Variants in UNC5C observed in about 807,000 individuals in gnomAD.
UNC5C encodes the protein unc-5 netrin receptor C.
Under a neutral mutation model 99.8 loss-of-function variants are expected in UNC5C, and 47 were observed. That is an observed-to-expected ratio of 0.47 (90% confidence interval 0.37 to 0.60). UNC5C has a LOEUF of 0.60. Ranked by LOEUF, UNC5C falls within the 20% of genes least tolerant of loss-of-function variation. The pLI is 0.00. For synonymous variants in UNC5C, 487 were observed against 452.2 expected, an observed-to-expected ratio of 1.08 and a Z score of -0.98; for missense variants, 1,062 against 1,165.9, an observed-to-expected ratio of 0.91 and a Z score of 1.30.
intron 1 of UNC5C, among the ~76,000 whole-genome samples, chr4:95,393,023 A>T (rs978227179): frequency 1.3e-5 from 2 of 152,172 alleles, no homozygotes; most frequent in African/African-American, 4.8e-5. Flanking sequence ...AGATGTCTGC[A>T]AATGCACCCT....
At chr4:95,192,355 A>ACC (rs1737174090) in intron 12 of UNC5C, among the ~76,000 whole-genome samples, 1 of 22,182 alleles carries the variant, frequency 4.5e-5, no homozygotes, top group Non-Finnish European at 8.7e-5. Context: ...TCCCCTGCTC[A>ACC]CTCCTCCCTT....
chr4:95,360,977 T>C (rs190442856), intron 1 of UNC5C, among the ~76,000 whole-genome samples: 7 of 152,332 alleles, frequency 4.6e-5, no homozygotes, highest in Non-Finnish European at 1.0e-4. Context: ...GAAGGCATCC[T>C]TTCTGTCTTC....
intron 2 of UNC5C, among the ~76,000 whole-genome samples, chr4:95,316,121 C>G (rs1264558165): frequency 2.0e-5 from 3 of 152,052 alleles, no homozygotes; most frequent in African/African-American, 7.2e-5. Flanking sequence ...ATCAAGCTCA[C>G]ATTTTTACTC....
chr4:95,260,476 C>G (rs1740179451), intron 4 of UNC5C, among the ~76,000 whole-genome samples: 2 of 152,134 alleles, frequency 1.3e-5, no homozygotes, highest in African/African-American at 4.8e-5. Flanking sequence ...CCTCCAGCAG[C>G]CTTCGATCCA....
At chr4:95,334,786 A>G (rs186573368) in intron 2 of UNC5C, among the ~76,000 whole-genome samples, 1 of 152,062 alleles carries the variant, frequency 6.6e-6, no homozygotes, top group East Asian at 1.9e-4. Context: ...GGCAAAGATA[A>G]TCAGATCAAG....
intron 1 of UNC5C, among the ~76,000 whole-genome samples, chr4:95,393,001 A>G (rs1437108585): frequency 2.0e-4 from 31 of 152,204 alleles, no homozygotes; most frequent in Admixed American, 2.0e-3. Context: ...TCAGATCAGC[A>G]TGCATGGTAT....
At chr4:95,396,699 G>A (rs898658195) in intron 1 of UNC5C, among the ~76,000 whole-genome samples, 3 of 152,036 alleles carry the variant, frequency 2.0e-5, no homozygotes, top group African/African-American at 7.2e-5. Flanking sequence ...GCCCACCCGT[G>A]GACCCATCAG....
chr4:95,175,611 C>G (rs904076946), intron 14 of UNC5C, among the ~76,000 whole-genome samples: 1 of 152,146 alleles, frequency 6.6e-6, no homozygotes, highest in Non-Finnish European at 1.5e-5. Flanking sequence ...GCTGAGAGAT[C>G]AGGTGTTAGT....
At chr4:95,418,094 T>C (rs931919174) in intron 1 of UNC5C, among the ~76,000 whole-genome samples, 2 of 152,196 alleles carry the variant, frequency 1.3e-5, no homozygotes, top group Non-Finnish European at 2.9e-5. Context: ...CAAAAAGTCA[T>C]TGGGGAACTG....
At chr4:95,448,804 A>C (rs1747197156) in intron 1 of UNC5C, among the ~76,000 whole-genome samples, 1 of 152,234 alleles carries the variant, frequency 6.6e-6, no homozygotes, top group Non-Finnish European at 1.5e-5. Flanking sequence ...TTCGAGATAA[A>C]CATTTTATAT....
rs1444860253 is a variant in UNC5C, at chr4:95,165,240, A to G, written c.*3994T>C. On this transcript the variant is annotated 3_prime_UTR_variant, in exon 16 of 16. Transcript: ENST00000453304. The stretch of plus-strand genomic sequence containing the variant: ...TCAGGGTGTCCTGAACTCAGTCCCC[A>G]CGACTTTTTTCTCCTGAAAATCGCT... The G allele has an allele frequency of 6.6e-6, 1 of 151,370 alleles. No individual in the cohort carries two copies. Among genetic ancestry groups the G allele is most frequent in the African/African-American group, 2.5e-5 (1 of 40,626 alleles). The allele number at this position is 151,370 out of a possible 1,614,324, so 9.4% of individuals were successfully genotyped here. A position where few individuals can be genotyped will look rare whatever the true frequency, so the allele number is the denominator to read the frequency against.
Position 95,351,223 on chromosome 4 carries a change from C to T in UNC5C, c.125-15592G>A, listed in dbSNP as rs1743976087. On this transcript the variant is annotated intron_variant, in intron 1 of 15. Transcript: ENST00000453304. ...TGTTTTCCTGGTTCACTTTTCTTCC[C>T]CATGAGATGGCATGTTCAGAGGGTG... 4.6e-5 allele frequency among the ~76,000 whole-genome samples: 7 copies of T among 152,174 alleles called. No homozygotes were observed. The South Asian group carries it at 1.5e-3, about 32-fold the overall frequency.
At chr4:95,277,802 A>G (rs1032421923) in intron 4 of UNC5C, among the ~76,000 whole-genome samples, 8 of 152,180 alleles carry the variant, frequency 5.3e-5, no homozygotes, top group Admixed American at 1.3e-4. Context: ...GTGTGTGGGC[A>G]TGGCTTTTAG....
intron 1 of UNC5C, among the ~76,000 whole-genome samples, chr4:95,368,746 G>T (rs1305609189): frequency 6.6e-6 from 1 of 152,068 alleles, no homozygotes; most frequent in Non-Finnish European, 1.5e-5. Context: ...CTTTAAAAAA[G>T]TAAAAAGTAA....
intron 12 of UNC5C, among the ~76,000 whole-genome samples, chr4:95,199,465 C>T (rs1435797916): frequency 6.6e-6 from 1 of 152,090 alleles, no homozygotes; most frequent in Non-Finnish European, 1.5e-5. Flanking sequence ...AGTGCTAGAT[C>T]CCCAGATGCT....
intron 1 of UNC5C, among the ~76,000 whole-genome samples, chr4:95,426,687 C>A (rs1466384814): frequency 1.3e-5 from 2 of 152,170 alleles, no homozygotes; most frequent in Non-Finnish European, 2.9e-5. Context: ...ATACACAGAA[C>A]GTTTTAGTGG....
chr4:95,319,649 G>A (rs1198834481), intron 2 of UNC5C, among the ~76,000 whole-genome samples: 2 of 152,148 alleles, frequency 1.3e-5, no homozygotes, highest in Non-Finnish European at 2.9e-5. Flanking sequence ...CTAGCTGAGG[G>A]AAGACTCAGG....
intron 12 of UNC5C, among the ~76,000 whole-genome samples, chr4:95,192,211 C>G (rs946504809): frequency 7.0e-6 from 1 of 143,204 alleles, no homozygotes; most frequent in Non-Finnish European, 1.5e-5. Flanking sequence ...CTACTCACCT[C>G]TTTTGCTCGC....
intron 5 of UNC5C, 49 bp from the exon 6 acceptor site, chr4:95,245,193 C>T: frequency 6.5e-7 from 1 of 1,550,106 alleles, no homozygotes; most frequent in Non-Finnish European, 8.8e-7. Context: ...TGTGCATGCA[C>T]AACACACATG....
Sources: gnomAD v4.1 joint callset for allele counts (sites outside exome capture counted in the v4.1 genomes callset) on GRCh38, gnomAD v4.1.1 for gene constraint, MANE v1.5 for transcripts, NCBI Gene and HGNC (gene_info 2026-07-23, HGNC 2026-07-21) for gene names.